Variants in DENND5B observed in about 807,000 individuals in gnomAD.
DENND5B encodes the protein DENN domain-containing protein 5B.
DENND5B carries 34 observed loss-of-function variants against 140.6 expected under a neutral mutation model. The observed-to-expected ratio is 0.24, with a 90% confidence interval of 0.18 to 0.32. The LOEUF (loss-of-function observed/expected upper bound fraction) is 0.32. Ranked by LOEUF, DENND5B falls within the 10% of genes least tolerant of loss-of-function variation. The probability of loss-of-function intolerance (pLI) is 1.00; values close to 1 mark genes in which losing one functional copy is unlikely to be tolerated. For missense variants in DENND5B, 1,142 were observed against 1,560.2 expected, an observed-to-expected ratio of 0.73 and a Z score of 4.52; for synonymous variants, 551 against 562.1, an observed-to-expected ratio of 0.98 and a Z score of 0.28.
intron 6 of DENND5B, among the ~76,000 whole-genome samples, chr12:31,444,551 T>G (rs2138011303): frequency 6.6e-6 from 1 of 152,258 alleles, no homozygotes; most frequent in Middle Eastern, 3.4e-3. Context: ...GCCACAGTGG[T>G]ATTTTCAAGA....
intron 1 of DENND5B, among the ~76,000 whole-genome samples, chr12:31,576,529 G>C (rs747388736): frequency 6.7e-6 from 1 of 148,242 alleles, no homozygotes; most frequent in East Asian, 1.9e-4. Context: ...AAGAAAAAAA[G>C]AAATTTCCCA....
intron 14 of DENND5B, among the ~76,000 whole-genome samples, chr12:31,408,298 C>A (rs979344678): frequency 2.0e-5 from 3 of 149,202 alleles, no homozygotes; most frequent in Non-Finnish European, 4.5e-5. Context: ...GACACCATCT[C>A]AAAAAAACCA....
chr12:31,556,032 C>T (rs1348478406), intron 1 of DENND5B, among the ~76,000 whole-genome samples: 3 of 152,232 alleles, frequency 2.0e-5, no homozygotes, highest in South Asian at 2.1e-4. Flanking sequence ...CGCCCTGCTT[C>T]GGCTTGCGCG....
At chr12:31,394,522 T>C (rs140201485) in intron 17 of DENND5B, among the ~76,000 whole-genome samples, 2 of 152,280 alleles carry the variant, frequency 1.3e-5, no homozygotes, top group Non-Finnish European at 2.9e-5. Flanking sequence ...AAGTCACCAA[T>C]TTTGATGAGC....
intron 17 of DENND5B, among the ~76,000 whole-genome samples, chr12:31,393,085 T>C (rs1941233259): frequency 1.3e-5 from 2 of 152,108 alleles, no homozygotes; most frequent in Admixed American, 1.3e-4. Context: ...CCCCCAAATA[T>C]GAGAAGCAAG....
chr12:31,522,265 G>A (rs1243098202), intron 1 of DENND5B, among the ~76,000 whole-genome samples: 1 of 152,148 alleles, frequency 6.6e-6, no homozygotes, highest in African/African-American at 2.4e-5. Flanking sequence ...AGGCTAAGCT[G>A]AGAGTCAATA....
intron 1 of DENND5B, among the ~76,000 whole-genome samples, chr12:31,529,823 C>G (rs527326990): frequency 1.2e-4 from 18 of 151,942 alleles, no homozygotes; most frequent in African/African-American, 3.9e-4. Flanking sequence ...TTTTAAAACA[C>G]AGAGTGATAA....
At chr12:31,561,386 G>A (rs1238053599) in intron 1 of DENND5B, among the ~76,000 whole-genome samples, 2 of 152,198 alleles carry the variant, frequency 1.3e-5, no homozygotes, top group East Asian at 1.9e-4. Flanking sequence ...CTACTTGAGA[G>A]GCTGAGGAGG....
At chr12:31,474,060 A>G (rs1945680054) in intron 3 of DENND5B, among the ~76,000 whole-genome samples, 2 of 152,204 alleles carry the variant, frequency 1.3e-5, no homozygotes, top group Non-Finnish European at 2.9e-5. Flanking sequence ...GTGATGAGAA[A>G]GCTCCCAACT....
chr12:31,427,066 C>T lies in DENND5B; in HGVS notation c.2107-642G>A, dbSNP rs79926503. Among the ~76,000 whole-genome samples the T allele has an allele frequency of 5.2e-4, 79 of 152,260 alleles. No homozygotes were observed. The East Asian group carries it at 9.1e-3, about 17-fold the overall frequency. On this transcript the variant is annotated intron_variant, in intron 8 of 20. Coordinates refer to ENST00000389082, the MANE Select transcript of DENND5B (RefSeq NM_144973.4). Reference sequence around the variant, plus strand: ...GGCTATAGGATCACTCTGAAAAGCACGATGTGCTCCAAGTGAAGGTGGCCT... The same window carrying T: ...GGCTATAGGATCACTCTGAAAAGCATGATGTGCTCCAAGTGAAGGTGGCCT...
At chr12:31,392,562 T>C (rs1941205052) in intron 18 of DENND5B, 52 bp downstream of exon 18, 10 of 1,533,368 alleles carry the variant, frequency 6.5e-6, no homozygotes, top group South Asian at 1.2e-5. Context: ...GTATCACATA[T>C]AAAAGCATCT....
At chr12:31,486,349 C>A (rs1946306289) in intron 2 of DENND5B, among the ~76,000 whole-genome samples, 1 of 152,224 alleles carries the variant, frequency 6.6e-6, no homozygotes, top group Non-Finnish European at 1.5e-5. Context: ...GACCCTAAAC[C>A]TACAGACACC....
At chr12:31,516,479 A>C (rs1311664075) in intron 1 of DENND5B, among the ~76,000 whole-genome samples, 2 of 124,862 alleles carry the variant, frequency 1.6e-5, no homozygotes, top group African/African-American at 8.1e-5. Context: ...CCCTGTCTCA[A>C]AAAAAAAAAA....
At chr12:31,432,078 GT>G (rs1943533519) in intron 8 of DENND5B, 1 of 985,140 alleles carries the variant, frequency 1.0e-6, no homozygotes, top group Admixed American at 6.2e-5. Flanking sequence ...TTAGGAAGTC[GT>G]GCAGGAGGAG....
chr12:31,428,338 A>G (rs1593139364), intron 8 of DENND5B, among the ~76,000 whole-genome samples: 1 of 138,884 alleles, frequency 7.2e-6, no homozygotes, highest in Non-Finnish European at 1.6e-5. Context: ...GCAAGACTCC[A>G]TCTCAAAAAA....
At position 31,420,039 on chromosome 12, in the gene DENND5B, AC is replaced by A. The variant is rs1942949862; in HGVS notation, c.2470+3557del. ...CCACTCCCTTCAGTGGAAGGGCTCT[AC>A]ACCTACCCCCTGCCAAAATCCATTT... On this transcript the variant is annotated intron_variant, in intron 11 of 20. Transcript: ENST00000389082. The A allele has an allele frequency of 4.1e-6, 4 of 984,404 alleles. No individual in the cohort carries two copies. In the South Asian group the frequency reaches 1.4e-4, roughly 35 times the overall value. The allele number at this position is 984,404 out of a possible 1,614,324, so 61.0% of individuals were successfully genotyped here.
intron 1 of DENND5B, among the ~76,000 whole-genome samples, chr12:31,529,505 G>A (rs1948206672): frequency 1.3e-5 from 2 of 151,898 alleles, no homozygotes; most frequent in Non-Finnish European, 2.9e-5. Flanking sequence ...AGCATTCCAA[G>A]TCCTACCAAA....
intron 11 of DENND5B, among the ~76,000 whole-genome samples, chr12:31,416,323 G>A (rs953941949): frequency 2.6e-5 from 4 of 151,718 alleles, no homozygotes; most frequent in Admixed American, 1.3e-4. Context: ...AAGTGCAGTG[G>A]CGTGATCTTG....
intron 1 of DENND5B, among the ~76,000 whole-genome samples, chr12:31,563,772 A>T (rs1448280084): frequency 2.6e-5 from 4 of 152,208 alleles, no homozygotes; most frequent in Non-Finnish European, 5.9e-5. Flanking sequence ...CAAATAAAAA[A>T]ATTTAAGTCA....
Sources: allele counts gnomAD v4.1 joint callset (sites outside exome capture counted in the v4.1 genomes callset), GRCh38; gene constraint gnomAD v4.1.1; transcripts MANE v1.5; gene names NCBI Gene and HGNC (gene_info 2026-07-23, HGNC 2026-07-21).